The following NDST3 variants were observed in gnomAD, a reference collection of about 807,000 sequenced individuals.
NDST3 encodes bifunctional heparan sulfate N-deacetylase/N-sulfotransferase 3.
NDST3 carries 58 observed loss-of-function variants against 96.1 expected under a neutral mutation model. The observed-to-expected ratio is 0.60, with a 90% confidence interval of 0.49 to 0.75. NDST3 has a LOEUF of 0.75. Ranked by LOEUF, NDST3 falls within the 30% of genes least tolerant of loss-of-function variation. The pLI is 0.00. For missense variants in NDST3, 788 were observed against 1,034.2 expected (o/e 0.76, Z 3.27); for synonymous variants, 333 against 359.7 (o/e 0.93, Z 0.84).
At chr4:118,219,346 T>C (rs1205518661) in intron 6 of NDST3, among the ~76,000 whole-genome samples, 2 of 151,932 alleles carry the variant, frequency 1.3e-5, no homozygotes, top group South Asian at 2.1e-4. Flanking sequence ...AACAGACATA[T>C]AGACCAATGG....
intron 2 of NDST3, among the ~76,000 whole-genome samples, chr4:118,097,528 C>A (rs1729413899): frequency 6.6e-6 from 1 of 150,746 alleles, no homozygotes; most frequent in Admixed American, 6.6e-5. Flanking sequence ...CAAAATCACC[C>A]AGGGTATGTT....
chr4:118,070,395 T>C (rs1323595940), intron 2 of NDST3, among the ~76,000 whole-genome samples: 3 of 152,094 alleles, frequency 2.0e-5, no homozygotes, highest in African/African-American at 4.8e-5. Flanking sequence ...GTGAGAAGGC[T>C]GGTTGGCCTC....
At chr4:118,158,723 C>G (rs1323570508) in intron 6 of NDST3, among the ~76,000 whole-genome samples, 1 of 152,154 alleles carries the variant, frequency 6.6e-6, no homozygotes, top group Non-Finnish European at 1.5e-5. Flanking sequence ...CCCAAGTGAT[C>G]AGACTTAACA....
intron 6 of NDST3, among the ~76,000 whole-genome samples, chr4:118,192,627 G>A (rs1469735493): frequency 6.6e-6 from 1 of 151,674 alleles, no homozygotes; most frequent in Non-Finnish European, 1.5e-5. Context: ...TCTCTATTCT[G>A]TTTCATTGAT....
chr4:118,204,179 G>C (rs1160626877), intron 6 of NDST3, among the ~76,000 whole-genome samples: 1 of 152,114 alleles, frequency 6.6e-6, no homozygotes, highest in Non-Finnish European at 1.5e-5. Flanking sequence ...CAGTTGCTGT[G>C]AAAGAGCAAT....
chr4:118,243,724 T>C (rs755766537), intron 12 of NDST3, among the ~76,000 whole-genome samples: 14 of 152,200 alleles, frequency 9.2e-5, no homozygotes, highest in Non-Finnish European at 1.8e-4. Flanking sequence ...TAGCAAAGCA[T>C]TGTATTTCAG....
intron 2 of NDST3, among the ~76,000 whole-genome samples, chr4:118,058,082 A>G (rs942866597): frequency 1.7e-5 from 1 of 59,092 alleles, no homozygotes; most frequent in African/African-American, 3.1e-5. Context: ...TTATTTAATT[A>G]TTACCACTTA....
intron 8 of NDST3, among the ~76,000 whole-genome samples, chr4:118,232,024 T>C (rs982200895): frequency 3.9e-5 from 6 of 152,188 alleles, no homozygotes; most frequent in Admixed American, 2.6e-4. Context: ...CTATAAGTTA[T>C]GTCGCTAAGA....
intron 2 of NDST3, among the ~76,000 whole-genome samples, chr4:118,091,948 G>A (rs1728904413): frequency 6.6e-6 from 1 of 151,052 alleles, no homozygotes; most frequent in Admixed American, 6.6e-5. Context: ...TATAGAATTG[G>A]GATACAGCAT....
intron 1 of NDST3, among the ~76,000 whole-genome samples, chr4:118,040,879 A>T (rs1433505865): frequency 7.0e-6 from 1 of 143,064 alleles, no homozygotes; most frequent in South Asian, 2.2e-4. Context: ...ATATATATAT[A>T]TATTTATATA....
At chr4:118,080,995 C>T (rs1378804200) in intron 2 of NDST3, among the ~76,000 whole-genome samples, 1 of 152,168 alleles carries the variant, frequency 6.6e-6, no homozygotes, top group Non-Finnish European at 1.5e-5. Context: ...GATAATGAGG[C>T]TTTAGACTTA....
At chr4:118,113,596 T>G (rs1730820933) in intron 3 of NDST3, among the ~76,000 whole-genome samples, 1 of 152,202 alleles carries the variant, frequency 6.6e-6, no homozygotes, top group African/African-American at 2.4e-5. Flanking sequence ...AGGCTCTGCC[T>G]CCCTTCTTTG....
intron 4 of NDST3, among the ~76,000 whole-genome samples, chr4:118,130,555 G>A (rs1181725395): frequency 1.3e-5 from 2 of 151,808 alleles, no homozygotes; most frequent in Non-Finnish European, 1.5e-5. Flanking sequence ...CTTTTGATTG[G>A]TTCATCATTT....
At chr4:118,058,055 T>C (rs1725575589) in intron 2 of NDST3, among the ~76,000 whole-genome samples, 1 of 151,988 alleles carries the variant, frequency 6.6e-6, no homozygotes, top group South Asian at 2.1e-4. Flanking sequence ...TTAGTATAAA[T>C]GTTTAAATCA....
intron 6 of NDST3, among the ~76,000 whole-genome samples, chr4:118,187,371 C>A (rs972928221): frequency 6.6e-6 from 1 of 152,212 alleles, no homozygotes; most frequent in Non-Finnish European, 1.5e-5. Flanking sequence ...CTACTCCCAA[C>A]CACAGAAAGA....
chr4:118,043,361 G>A (rs1341556922), intron 1 of NDST3, among the ~76,000 whole-genome samples: 1 of 152,190 alleles, frequency 6.6e-6, no homozygotes, highest in Non-Finnish European at 1.5e-5. Flanking sequence ...TGGCACAAGT[G>A]GTGCAATGAT....
chr4:118,098,188 T>C (rs1487221444), intron 2 of NDST3, among the ~76,000 whole-genome samples: 4 of 151,960 alleles, frequency 2.6e-5, no homozygotes, highest in Admixed American at 6.6e-5. Flanking sequence ...AGTCCCCTCA[T>C]GTGAAATCTT....
chr4:118,230,830 A>G (rs1208407090), intron 8 of NDST3, among the ~76,000 whole-genome samples: 1 of 152,182 alleles, frequency 6.6e-6, no homozygotes, highest in African/African-American at 2.4e-5. Flanking sequence ...TAATCTAGGA[A>G]GACTACCTCT....
chr4:118,202,741 T>C (rs958718953), intron 6 of NDST3, among the ~76,000 whole-genome samples: 2 of 152,226 alleles, frequency 1.3e-5, no homozygotes, highest in Non-Finnish European at 2.9e-5. Context: ...TTTCTAGGTA[T>C]AGAATTATGT....
Sources: gnomAD v4.1 joint callset for allele counts (sites outside exome capture counted in the v4.1 genomes callset) on GRCh38, gnomAD v4.1.1 for gene constraint, MANE v1.5 for transcripts, NCBI Gene and HGNC (gene_info 2026-07-23, HGNC 2026-07-21) for gene names.